The following PSMA1 variants were observed in gnomAD, a reference collection of about 807,000 sequenced individuals.
The protein encoded by PSMA1 is proteasome subunit alpha type-1.
Under a neutral mutation model 38.4 loss-of-function variants are expected in PSMA1, and 3 were observed. The ratio of observed to expected loss-of-function variants is 0.08; its 90% CI spans 0.04 to 0.20. The LOEUF (loss-of-function observed/expected upper bound fraction) is 0.20, where lower values mean the gene tolerates loss of function less well. PSMA1 is among the 10% of genes least tolerant of loss of function. The pLI is 1.00. For missense variants in PSMA1, 227 were observed against 325.3 expected (o/e 0.70, Z 2.32); for synonymous variants, 101 against 107.1 (o/e 0.94, Z 0.35).
rs189250414 is a variant in PSMA1, at chr11:14,636,517, C to T, written c.-166+6938G>A. 1.2e-4 allele frequency among the ~76,000 whole-genome samples: 18 copies of T among 152,218 alleles called. No homozygotes were observed. The East Asian group carries it at 3.5e-3, about 29-fold the overall frequency. ...CTCTTCTCTTCTCACACTATATACT[C>T]TCATAGGGGATATCTCTTTTTCTCC... On this transcript the variant is annotated intron_variant, in intron 1 of 10. Coordinates refer to the PSMA1 transcript ENST00000418988.
chr11:14,549,029 T>A (rs1438006388), intron 2 of PSMA1, among the ~76,000 whole-genome samples: 4 of 152,152 alleles, frequency 2.6e-5, no homozygotes, highest in South Asian at 2.1e-4. Flanking sequence ...CTGATTTTTT[T>A]AAAAAGCCCT....
At chr11:14,615,618 A>T (rs1311349098) in intron 1 of PSMA1, among the ~76,000 whole-genome samples, 1 of 152,144 alleles carries the variant, frequency 6.6e-6, no homozygotes, top group East Asian at 1.9e-4. Context: ...TTCACTGTTG[A>T]TGCTTCACTG....
chr11:14,548,579 T>C (rs1851852928), intron 2 of PSMA1, among the ~76,000 whole-genome samples: 1 of 152,224 alleles, frequency 6.6e-6, no homozygotes, highest in Non-Finnish European at 1.5e-5. Flanking sequence ...TATTGGCAGC[T>C]TGAAACTGGC....
chr11:14,575,916 C>T (rs1852207754), intron 2 of PSMA1, among the ~76,000 whole-genome samples: 1 of 152,228 alleles, frequency 6.6e-6, no homozygotes, highest in African/African-American at 2.4e-5. Context: ...TCCTCTCCAG[C>T]ACCTGTTGTT....
chr11:14,513,532 CAAAAAAA>C (rs59773789), intron 7 of PSMA1, 31 bp downstream of exon 7: 207 of 1,152,862 alleles, frequency 1.8e-4, no homozygotes, highest in South Asian at 6.0e-4. Context: ...CTGGAAAAGG[CAAAAAAA>C]AAAAAAAAAA....
chr11:14,527,541 G>A (rs563484866), intron 2 of PSMA1, among the ~76,000 whole-genome samples: 26 of 152,178 alleles, frequency 1.7e-4, no homozygotes, highest in Non-Finnish European at 2.8e-4. Flanking sequence ...CTACTCCTCA[G>A]GGATTGTTCA....
Position 14,534,587 on chromosome 11 carries a change from T to C in PSMA1, c.22-15546A>G, listed in dbSNP as rs967002594. On this transcript the variant is annotated intron_variant, in intron 2 of 10. Transcript: ENST00000418988. The surrounding 1 kb of genome is among the most constrained non-coding windows in gnomAD (Gnocchi z 4.5). The stretch of plus-strand genomic sequence containing the variant: ...CCTGGGCTCAAGCAACTCTCCTGCC[T>C]CAGCCTCTAGAGTAGCTGGGTCTAC... Among the ~76,000 whole-genome samples, 1 of 152,186 alleles carries C rather than the reference T, an allele frequency of 6.6e-6. No individual in the cohort carries two copies. Among genetic ancestry groups the C allele is most frequent in the Non-Finnish European group, 1.5e-5 (1 of 68,024 alleles).
intron 2 of PSMA1, among the ~76,000 whole-genome samples, chr11:14,606,762 A>G (rs868664649): frequency 6.6e-6 from 1 of 152,214 alleles, no homozygotes; most frequent in Non-Finnish European, 1.5e-5. Context: ...GTTTTCTGCT[A>G]GGTAAAAAGG....
In PSMA1 at chr11:14,520,299, T is replaced by TG. The variant is rs1276685281; in HGVS notation, c.-1dup. 6.2e-7 allele frequency: 1 copy of TG among 1,613,986 alleles called. No individual in the cohort carries two copies. The highest frequency in any genetic ancestry group is 8.5e-7 in the Non-Finnish European group (1 of 1,179,968). On this transcript the variant is annotated 5_prime_UTR_variant, in exon 1 of 10. Transcript: ENST00000396394. ...CCAGAGATCGGGATTCAACGTACCA[T>TG]GGTGGCGGCGCGGGCCTGGTTGCGG...
intron 1 of PSMA1, among the ~76,000 whole-genome samples, chr11:14,639,722 T>C (rs933479689): frequency 8.5e-5 from 13 of 152,236 alleles, no homozygotes; most frequent in African/African-American, 3.1e-4. Context: ...CCAAATGCAC[T>C]ATAGCTGAAT....
chr11:14,602,357 T>A (rs1234779461), intron 2 of PSMA1, among the ~76,000 whole-genome samples: 2 of 152,158 alleles, frequency 1.3e-5, no homozygotes, highest in African/African-American at 4.8e-5. Flanking sequence ...GACATTTGTT[T>A]GGGAGAAAAG....
chr11:14,513,487 T>A (rs1201432325), intron 7 of PSMA1, 83 bp downstream of exon 7: 6 of 1,234,294 alleles, frequency 4.9e-6, no homozygotes, highest in Non-Finnish European at 6.2e-6. Flanking sequence ...TACAGTTTTA[T>A]GCATTTAGGA....
intron 1 of PSMA1, among the ~76,000 whole-genome samples, chr11:14,624,601 T>C (rs1298182494): frequency 1.3e-5 from 2 of 152,310 alleles, no homozygotes; most frequent in African/African-American, 2.4e-5. Context: ...CTATATGTTA[T>C]AGATACTGCC....
chr11:14,607,344 A>T (rs1852655139), intron 2 of PSMA1, among the ~76,000 whole-genome samples: 1 of 152,242 alleles, frequency 6.6e-6, no homozygotes, highest in Non-Finnish European at 1.5e-5. Flanking sequence ...CAGACTATCA[A>T]GATAATTCTA....
intron 2 of PSMA1, among the ~76,000 whole-genome samples, chr11:14,599,270 T>C (rs998501165): frequency 6.6e-6 from 1 of 152,202 alleles, no homozygotes; most frequent in Non-Finnish European, 1.5e-5. Flanking sequence ...ATTTCCTGAA[T>C]TTGAATGTTG....
intron 2 of PSMA1, among the ~76,000 whole-genome samples, chr11:14,556,973 C>T (rs1851946624): frequency 6.6e-6 from 1 of 152,142 alleles, no homozygotes; most frequent in Non-Finnish European, 1.5e-5. Context: ...GCAGTGGGAA[C>T]TACAGGTGCA....
chr11:14,568,999 C>A (rs1298288019), intron 2 of PSMA1, among the ~76,000 whole-genome samples: 1 of 152,160 alleles, frequency 6.6e-6, no homozygotes, highest in Non-Finnish European at 1.5e-5. Flanking sequence ...GGACTCCAGG[C>A]CTGTGATGAG....
chr11:14,561,612 ATG>A (rs370747974), intron 2 of PSMA1, among the ~76,000 whole-genome samples: 1,761 of 152,058 alleles, frequency 0.012, 31 homozygotes, highest in African/African-American at 0.04. Flanking sequence ...CCTCACTCTC[ATG>A]TTACCTACCC....
intron 2 of PSMA1, among the ~76,000 whole-genome samples, chr11:14,571,939 G>A (rs1852147446): frequency 6.6e-6 from 1 of 152,066 alleles, no homozygotes; most frequent in Non-Finnish European, 1.5e-5. Context: ...AATGGTAAAG[G>A]GATTAATTCA....
Sources: gnomAD v4.1 joint callset for allele counts (sites outside exome capture counted in the v4.1 genomes callset) on GRCh38, gnomAD v4.1.1 for gene constraint, Gnocchi (gnomAD v3.1) non-coding constraint, MANE v1.5 for transcripts, NCBI Gene and HGNC (gene_info 2026-07-23, HGNC 2026-07-21) for gene names.